The following SH3GL3 variants were observed in gnomAD, a reference collection of about 807,000 sequenced individuals.
The protein encoded by SH3GL3 is endophilin-A3.
In SH3GL3, 33 loss-of-function variants were observed where a neutral mutation model predicts 47.7. That is an observed-to-expected ratio of 0.69 (90% CI 0.52 to 0.92). SH3GL3 has a LOEUF of 0.92. Among genes scored for constraint, SH3GL3 ranks in the 40% least tolerant of loss-of-function variants. The pLI is 0.00. For synonymous variants in SH3GL3, 155 were observed against 148.8 expected, an observed-to-expected ratio of 1.04 and a Z score of -0.30; for missense variants, 363 against 417.8, an observed-to-expected ratio of 0.87 and a Z score of 1.14.
intron 8 of SH3GL3, among the ~76,000 whole-genome samples, chr15:83,597,614 A>T (rs2060267510): frequency 6.6e-6 from 1 of 150,718 alleles, no homozygotes; most frequent in African/African-American, 2.4e-5. Flanking sequence ...TATAATTATT[A>T]TTATTTTTTT....
intron 6 of SH3GL3, among the ~76,000 whole-genome samples, chr15:83,580,868 C>T (rs887053188): frequency 2.2e-4 from 34 of 152,228 alleles, no homozygotes; most frequent in Admixed American, 3.9e-4. Flanking sequence ...GGAGCACCCC[C>T]AACCTCATCC....
At chr15:83,481,532 C>T (rs2041358134) in intron 1 of SH3GL3, among the ~76,000 whole-genome samples, 1 of 152,068 alleles carries the variant, frequency 6.6e-6, no homozygotes, top group African/African-American at 2.4e-5. Context: ...TTGTACTTGA[C>T]TTGAGTTACA....
chr15:83,566,736 A>G (rs2045565591), intron 3 of SH3GL3, among the ~76,000 whole-genome samples: 1 of 152,112 alleles, frequency 6.6e-6, no homozygotes, highest in Non-Finnish European at 1.5e-5. Context: ...TGATCATACC[A>G]CTGCACTACA....
rs1291669384 is a variant in SH3GL3, at chr15:83,531,197, C to T, written c.46-28056C>T. ...TGAGGATACCATAATGAGTAATATTCATGAGTAAGACCGTAATGAATATAA... is the reference window on the plus strand; with the variant it reads ...TGAGGATACCATAATGAGTAATATTTATGAGTAAGACCGTAATGAATATAA... On this transcript the variant is annotated intron_variant, in intron 1 of 8. Transcript: ENST00000427482. Among the ~76,000 whole-genome samples, 5 of 152,176 alleles carry T rather than the reference C, an allele frequency of 3.3e-5. No individual in the cohort carries two copies. In the East Asian group the frequency reaches 9.6e-4, roughly 29 times the overall value.
chr15:83,486,978 T>C (rs1178216721), intron 1 of SH3GL3, among the ~76,000 whole-genome samples: 2 of 152,152 alleles, frequency 1.3e-5, no homozygotes, highest in Non-Finnish European at 2.9e-5. Context: ...CTTGTCCCTC[T>C]TCTAAACCTG....
chr15:83,604,347 G>A (rs1016505828), intron 8 of SH3GL3, among the ~76,000 whole-genome samples: 3 of 152,124 alleles, frequency 2.0e-5, no homozygotes, highest in African/African-American at 7.2e-5. Flanking sequence ...AGGACCTCAG[G>A]TCAAGCTCCC....
At chr15:83,519,945 G>T (rs1425266288) in intron 1 of SH3GL3, among the ~76,000 whole-genome samples, 1 of 152,134 alleles carries the variant, frequency 6.6e-6, no homozygotes, top group Admixed American at 6.5e-5. Flanking sequence ...TGCCTTACTT[G>T]CAAGCTAACA....
intron 6 of SH3GL3, among the ~76,000 whole-genome samples, chr15:83,586,736 G>A (rs2059964739): frequency 6.6e-6 from 1 of 152,110 alleles, no homozygotes; most frequent in African/African-American, 2.4e-5. Flanking sequence ...TGGAAAAACA[G>A]GCATTTTATT....
the SH3GL3 span, among the ~76,000 whole-genome samples, chr15:83,632,303 C>T: frequency 1.3e-5 from 2 of 152,282 alleles, no homozygotes; most frequent in Admixed American, 1.3e-4. Flanking sequence ...TCCAAAATTG[C>T]TTCCACATTT....
chr15:83,492,625 C>T (rs1051601864), intron 1 of SH3GL3, among the ~76,000 whole-genome samples: 6 of 152,122 alleles, frequency 3.9e-5, no homozygotes, highest in South Asian at 2.1e-4. Context: ...GCAGAGTGCC[C>T]GAGAATTAAT....
chr15:83,458,223 G>C lies in SH3GL3; in HGVS notation c.45+10645G>C, dbSNP rs187110872. Among the ~76,000 whole-genome samples the C allele has an allele frequency of 3.3e-5, 5 of 152,292 alleles. No individual in the cohort carries two copies. The East Asian group carries it at 9.7e-4, about 29-fold the overall frequency. On this transcript the variant is annotated intron_variant, in intron 1 of 8. Transcript: ENST00000427482. ...CTGGGAAAGTGTTGAGCTGAGGGGA[G>C]AGTCTGAGAGAAGTACTATTGATGA...
At chr15:83,510,695 T>TG (rs2042709537) in intron 1 of SH3GL3, among the ~76,000 whole-genome samples, 5 of 151,996 alleles carry the variant, frequency 3.3e-5, no homozygotes, top group Admixed American at 6.6e-5. Context: ...GAGGCATGTG[T>TG]GAGTGTATTT....
At chr15:83,573,865 T>G (rs975577300) in intron 5 of SH3GL3, among the ~76,000 whole-genome samples, 1 of 152,240 alleles carries the variant, frequency 6.6e-6, no homozygotes, top group Non-Finnish European at 1.5e-5. Context: ...CATGCCCTTG[T>G]GAAGCTCACA....
chr15:83,477,228 T>A (rs184097104), intron 1 of SH3GL3, among the ~76,000 whole-genome samples: 5 of 152,330 alleles, frequency 3.3e-5, no homozygotes, highest in African/African-American at 1.2e-4. Flanking sequence ...GTGCATTTCA[T>A]TGTAATTTCT....
chr15:83,559,707 G>A (rs1208208235), intron 2 of SH3GL3, among the ~76,000 whole-genome samples: 1 of 152,198 alleles, frequency 6.6e-6, no homozygotes, highest in Non-Finnish European at 1.5e-5. Flanking sequence ...TTTACCGTGT[G>A]GAAGACTTGG....
chr15:83,572,156 T>G (rs1292448169), intron 4 of SH3GL3, among the ~76,000 whole-genome samples: 2 of 152,236 alleles, frequency 1.3e-5, no homozygotes, highest in Non-Finnish European at 2.9e-5. Context: ...TTATTTCTAT[T>G]GTAATTTTTA....
intron 6 of SH3GL3, among the ~76,000 whole-genome samples, chr15:83,585,838 C>T (rs1417857959): frequency 2.0e-5 from 3 of 152,064 alleles, no homozygotes; most frequent in Non-Finnish European, 4.4e-5. Flanking sequence ...GCATATTGAG[C>T]CCGTGTTTAA....
At chr15:83,485,717 G>A (rs570473353) in intron 1 of SH3GL3, among the ~76,000 whole-genome samples, 19 of 151,928 alleles carry the variant, frequency 1.3e-4, no homozygotes, top group African/African-American at 3.4e-4. Context: ...GGCTGGTCTC[G>A]AACTCCTGGG....
At chr15:83,521,081 A>C (rs576453299) in intron 1 of SH3GL3, among the ~76,000 whole-genome samples, 1 of 152,312 alleles carries the variant, frequency 6.6e-6, no homozygotes, top group East Asian at 1.9e-4. Context: ...GTTTCCTCTT[A>C]CTGATATTTA....
Sources: gnomAD v4.1 joint callset for allele counts (sites outside exome capture counted in the v4.1 genomes callset) on GRCh38, gnomAD v4.1.1 for gene constraint, MANE v1.5 for transcripts, NCBI Gene and HGNC (gene_info 2026-07-23, HGNC 2026-07-21) for gene names.